The following DNAJC7 variants were observed in gnomAD, a reference collection of about 807,000 sequenced individuals.
The protein encoded by DNAJC7 is DnaJ heat shock protein family (Hsp40) member C7.
Under a neutral mutation model 67.4 loss-of-function variants are expected in DNAJC7, and 18 were observed. The ratio of observed to expected loss-of-function variants is 0.27; its 90% CI spans 0.18 to 0.40. DNAJC7 has a LOEUF of 0.40. Ranked by LOEUF, DNAJC7 falls within the 10% of genes least tolerant of loss-of-function variation. The probability of loss-of-function intolerance (pLI) is 1.00; values close to 1 mark genes in which losing one functional copy is unlikely to be tolerated. For missense variants in DNAJC7, 419 were observed against 613.8 expected, an observed-to-expected ratio of 0.68 and a Z score of 3.35; for synonymous variants, 220 against 207.8, an observed-to-expected ratio of 1.06 and a Z score of -0.50.
chr17:41,980,447 G>A (rs1197625117), intron 12 of DNAJC7, among the ~76,000 whole-genome samples: 4 of 152,126 alleles, frequency 2.6e-5, no homozygotes, highest in East Asian at 1.9e-4. Flanking sequence ...GTACAGTGGC[G>A]CAATCTCAGC....
At chr17:42,007,373 C>A (rs1373790201) in intron 1 of DNAJC7, among the ~76,000 whole-genome samples, 1 of 152,048 alleles carries the variant, frequency 6.6e-6, no homozygotes, top group African/African-American at 2.4e-5. Context: ...TTCCCACAGT[C>A]CGAGACCTCT....
intron 2 of DNAJC7, among the ~76,000 whole-genome samples, chr17:41,999,414 G>A (rs999320472): frequency 6.6e-6 from 1 of 151,996 alleles, no homozygotes; most frequent in Non-Finnish European, 1.5e-5. Flanking sequence ...GAGTCACCAC[G>A]CCTGGCCTTC....
In DNAJC7 at chr17:42,000,555, G is replaced by A; in HGVS notation, c.93C>T (p.Phe31=). 1.2e-6 allele frequency: 2 copies of A among 1,609,908 alleles called. No homozygotes were observed. Among genetic ancestry groups the A allele is most frequent in the South Asian group, 1.1e-5 (1 of 90,454 alleles). ...CATAGTATGCATTTCCTTGTTCCTT[G>A]AAAGTCTCTGCTTCCCTGAAAATGA... is the stretch of plus-strand genomic sequence containing the variant. ...DQEAKREAET[F]KEQGNAYYAK... is the part of the protein sequence containing the mutation. Residue 31 remains phenylalanine, a synonymous_variant, in exon 2 of 14, where the codon TTC becomes TTT. Transcript: ENST00000457167.
chr17:42,008,584 G>GT (rs1484676657), intron 1 of DNAJC7, among the ~76,000 whole-genome samples: 3 of 151,446 alleles, frequency 2.0e-5, no homozygotes, highest in Non-Finnish European at 4.4e-5. Flanking sequence ...TAATTTTTTT[G>GT]TATTTTTAGT....
Position 42,003,744 on chromosome 17 carries a change from T to TA in DNAJC7, c.78-3175dup, listed in dbSNP as rs371903501. Reference sequence around the variant, plus strand: ...ATTAATTGGCTTCACCTAGACCAATTAAAAAAAAAAAGGATTCCCAATGCA... The same window carrying TA: ...ATTAATTGGCTTCACCTAGACCAATTAAAAAAAAAAAAGGATTCCCAATGCA... On this transcript the variant is annotated intron_variant, in intron 1 of 13. Coordinates refer to ENST00000457167, the MANE Select transcript of DNAJC7 (RefSeq NM_003315.4). 6.2e-4 allele frequency among the ~76,000 whole-genome samples: 89 copies of TA among 144,506 alleles called. 1 individual carries two copies. Among genetic ancestry groups the TA allele is most frequent in the African/African-American group, 1.8e-3 (73 of 39,524 alleles). 94.8% of individuals were successfully genotyped at this position (144,506 alleles called of 152,430 possible). A position where few individuals can be genotyped will look rare whatever the true frequency, so the allele number is the denominator to read the frequency against.
At chr17:41,996,229 C>G (rs1426251727) in intron 4 of DNAJC7, 82 bp downstream of exon 4, 39 of 1,385,582 alleles carry the variant, frequency 2.8e-5, no homozygotes, top group Non-Finnish European at 3.6e-5. Flanking sequence ...TGAGACTAGA[C>G]CTCAGTTCCG....
chr17:42,006,303 G>A lies in DNAJC7; in HGVS notation c.78-5733C>T, dbSNP rs138992135. On this transcript the variant is annotated intron_variant, in intron 1 of 13. Coordinates refer to ENST00000457167, the MANE Select transcript of DNAJC7 (RefSeq NM_003315.4). ...TGAGTAGCTGGGATTACAGGCACACGCCACCACGCCTGGCCAATTTTTTTT... is the reference window on the plus strand; with the variant it reads ...TGAGTAGCTGGGATTACAGGCACACACCACCACGCCTGGCCAATTTTTTTT... 5.0e-3 allele frequency among the ~76,000 whole-genome samples: 743 copies of A among 147,184 alleles called. 4 individuals carry two copies. The highest frequency in any genetic ancestry group is 0.012 in the African/African-American group (470 of 40,388).
At chr17:41,980,247 A>T (rs2051214178) in intron 12 of DNAJC7, among the ~76,000 whole-genome samples, 1 of 151,950 alleles carries the variant, frequency 6.6e-6, no homozygotes, top group African/African-American at 2.4e-5. Context: ...ACGGGGTTTC[A>T]CCATGTTGGG....
chr17:41,996,978 A>C, intron 3 of DNAJC7, 137 bp downstream of exon 3: 1 of 1,330,556 alleles, frequency 7.5e-7, no homozygotes, highest in Non-Finnish European at 1.0e-6. Context: ...AACAACCCAC[A>C]GTGCACAGTA....
chr17:42,016,862 T>G, intron 1 of DNAJC7: 1 of 824,108 alleles, frequency 1.2e-6, no homozygotes, highest in Non-Finnish European at 1.5e-6. Flanking sequence ...ACACAATCAC[T>G]TCGAACCCAG....
intron 1 of DNAJC7, among the ~76,000 whole-genome samples, chr17:42,006,819 G>A (rs1445862974): frequency 0.084 from 1,004 of 11,966 alleles, no homozygotes; most frequent in Non-Finnish European, 0.12. Context: ...AAAAAAAAAA[G>A]TCCAGGCACG....
At position 41,988,721 on chromosome 17, in the gene DNAJC7, CAA is replaced by C. The variant is rs782065455; in HGVS notation, c.918+9_918+10del. The C allele has an allele frequency of 5.0e-6, 8 of 1,587,054 alleles. No homozygotes were observed. In the Admixed American group the frequency reaches 7.6e-5, roughly 15 times the overall value. ...TTTCTATAGGCCCCAAGATCTAGAT[CAA>C]GAGCTTACCTTGGAATTAACCGTAC... On this transcript the variant is annotated intron_variant, in intron 8 of 13. Transcript: ENST00000457167.
intron 9 of DNAJC7, chr17:41,986,164 G>C (rs2051373293): frequency 6.8e-6 from 1 of 147,822 alleles, no homozygotes; most frequent in South Asian, 2.2e-4. Flanking sequence ...TCAGGAGTTT[G>C]AGAACAGCCT....
intron 2 of DNAJC7, among the ~76,000 whole-genome samples, chr17:41,998,467 C>G (rs782171351): frequency 7.2e-5 from 11 of 152,094 alleles, no homozygotes; most frequent in Non-Finnish European, 1.0e-4. Flanking sequence ...GACACTGTCT[C>G]AACAATAAAT....
At chr17:42,004,364 G>A (rs782129539) in intron 1 of DNAJC7, among the ~76,000 whole-genome samples, 3 of 152,148 alleles carry the variant, frequency 2.0e-5, no homozygotes, top group Non-Finnish European at 2.9e-5. Context: ...GGTCTCCTAA[G>A]TCCTAGAAGT....
intron 5 of DNAJC7, among the ~76,000 whole-genome samples, chr17:41,993,449 ACT>A (rs1314367634): frequency 5.9e-5 from 9 of 152,122 alleles, no homozygotes; most frequent in Admixed American, 6.6e-5. Flanking sequence ...ACAGACCAAG[ACT>A]CTGCCTCAAA....
rs1281594091 is a variant in DNAJC7, at chr17:42,017,221, G to A, written c.77+119C>T. ...ATCCGGCCTTGATCTCAGATGGGGG[G>A]GTGTTTGCGGAGGGCGGGGCATCGC... is the stretch of plus-strand genomic sequence containing the variant. On this transcript the variant is annotated intron_variant, in intron 1 of 13. Coordinates refer to ENST00000457167, the MANE Select transcript of DNAJC7 (RefSeq NM_003315.4). The A allele has an allele frequency of 2.5e-6, 4 of 1,597,270 alleles. No homozygotes were observed. In the South Asian group the frequency reaches 3.3e-5, roughly 13 times the overall value.
chr17:42,001,320 G>A (rs2051801009), intron 1 of DNAJC7, among the ~76,000 whole-genome samples: 1 of 152,068 alleles, frequency 6.6e-6, no homozygotes, highest in African/African-American at 2.4e-5. Flanking sequence ...TCAGCAACTG[G>A]GTGATAGCAG....
rs1395769545 is a variant in DNAJC7, at chr17:41,995,108, T to C, written c.406-164A>G. On this transcript the variant is annotated intron_variant, in intron 4 of 13. Transcript: ENST00000457167. ...GCATACCTCCTGTTGTGAATGGCCA[T>C]TTTTATGATCCAGTTCTAGGGCTCT... 8.8e-6 allele frequency: 6 copies of C among 680,616 alleles called. No homozygotes were observed. In the African/African-American group the frequency reaches 1.1e-4, roughly 12 times the overall value. 42.2% of individuals were successfully genotyped at this position (680,616 alleles called of 1,614,324 possible).
Sources: gnomAD v4.1 joint callset for allele counts (sites outside exome capture counted in the v4.1 genomes callset) on GRCh38, gnomAD v4.1.1 for gene constraint, MANE v1.5 for transcripts, NCBI Gene and HGNC (gene_info 2026-07-23, HGNC 2026-07-21) for gene names.